Variants in PDE4B observed in about 807,000 individuals in gnomAD.
The protein encoded by PDE4B is 3',5'-cyclic-AMP phosphodiesterase 4B.
A neutral mutation model predicts 82.2 loss-of-function variants in PDE4B; 20 were observed. The observed-to-expected ratio is 0.24, with a 90% CI of 0.17 to 0.35. PDE4B has a LOEUF of 0.35. PDE4B is among the 10% of genes least tolerant of loss of function. PDE4B has a pLI of 1.00. For synonymous variants in PDE4B, 320 were observed against 318.9 expected (o/e 1.00, Z -0.04); for missense variants, 655 against 907.2 (o/e 0.72, Z 3.57).
Position 65,962,724 on chromosome 1 carries a change from C to T in PDE4B, c.281+43889C>T, listed in dbSNP as rs184708878. 4.5e-3 allele frequency among the ~76,000 whole-genome samples: 686 copies of T among 152,228 alleles called. 8 individuals are homozygous for T. The highest frequency in any genetic ancestry group is 3.9e-3 in the Non-Finnish European group (262 of 68,008). The stretch of plus-strand genomic sequence containing the variant: ...AGAGAAATGGAGAGCAGCAGATCCT[C>T]AGTTTCTGTTGCATTTCCAGTTCTT... On this transcript the variant is annotated intron_variant, in intron 3 of 16. Transcript: ENST00000341517.
chr1:65,832,267 A>G (rs1189169052), intron 1 of PDE4B, among the ~76,000 whole-genome samples: 1 of 152,214 alleles, frequency 6.6e-6, no homozygotes, highest in Non-Finnish European at 1.5e-5. Flanking sequence ...AAACTTTAGA[A>G]GACAGAAGAT....
At chr1:66,192,110 A>T (rs1647863882) in intron 3 of PDE4B, among the ~76,000 whole-genome samples, 1 of 152,120 alleles carries the variant, frequency 6.6e-6, no homozygotes, top group Non-Finnish European at 1.5e-5. Context: ...TGATGTACTA[A>T]AAAAGGCTTA....
chr1:65,848,145 A>ATT (rs202107438), intron 1 of PDE4B, among the ~76,000 whole-genome samples: 3 of 146,632 alleles, frequency 2.0e-5, no homozygotes, highest in African/African-American at 7.5e-5. Context: ...CAGCTTTATC[A>ATT]TTTTTTTTTT....
intron 8 of PDE4B, among the ~76,000 whole-genome samples, chr1:66,342,902 G>A (rs982152134): frequency 3.9e-5 from 6 of 152,078 alleles, no homozygotes; most frequent in South Asian, 2.1e-4. Flanking sequence ...AAAATTAGCC[G>A]GACGCAGTGG....
intron 8 of PDE4B, among the ~76,000 whole-genome samples, chr1:66,352,369 T>C (rs1045008320): frequency 6.6e-6 from 1 of 152,180 alleles, no homozygotes; most frequent in African/African-American, 2.4e-5. Context: ...TTCAGTAAAC[T>C]ATGCGGGAAA....
intron 3 of PDE4B, among the ~76,000 whole-genome samples, chr1:66,135,740 A>T (rs1283445542): frequency 6.6e-6 from 1 of 152,194 alleles, no homozygotes; most frequent in Non-Finnish European, 1.5e-5. Flanking sequence ...ATACTTAATA[A>T]GTACAGCTTG....
intron 3 of PDE4B, among the ~76,000 whole-genome samples, chr1:66,236,427 G>T (rs1035106236): frequency 6.6e-6 from 1 of 151,796 alleles, no homozygotes; most frequent in Non-Finnish European, 1.5e-5. Context: ...ATTTTAATAA[G>T]AAGAAAAAAA....
chr1:65,902,111 T>C (rs1489723732), intron 1 of PDE4B, among the ~76,000 whole-genome samples: 3 of 152,144 alleles, frequency 2.0e-5, no homozygotes, highest in Admixed American at 1.3e-4. Context: ...ATCTTCATGG[T>C]ATTGACTTTT....
chr1:65,950,891 A>G (rs949913408), intron 3 of PDE4B, among the ~76,000 whole-genome samples: 1 of 152,140 alleles, frequency 6.6e-6, no homozygotes, highest in African/African-American at 2.4e-5. Flanking sequence ...ATTAGGAACT[A>G]TAATGATCAG....
intron 3 of PDE4B, among the ~76,000 whole-genome samples, chr1:66,069,575 G>T (rs1182484329): frequency 1.3e-5 from 2 of 152,058 alleles, no homozygotes; most frequent in South Asian, 2.1e-4. Context: ...CCCAGTAGAG[G>T]TCACACATTT....
At chr1:66,308,679 A>G (rs1658455883) in intron 7 of PDE4B, among the ~76,000 whole-genome samples, 1 of 152,156 alleles carries the variant, frequency 6.6e-6, no homozygotes, top group Admixed American at 6.6e-5. Flanking sequence ...GTTTCATGCT[A>G]CAGTTGTTCC....
intron 8 of PDE4B, among the ~76,000 whole-genome samples, chr1:66,334,261 T>C (rs1660342157): frequency 6.6e-6 from 1 of 152,182 alleles, no homozygotes; most frequent in South Asian, 2.1e-4. Context: ...AGCAGGCAAT[T>C]AACTCCAAGA....
intron 3 of PDE4B, among the ~76,000 whole-genome samples, chr1:66,190,481 C>G (rs113975895): frequency 6.6e-6 from 1 of 152,184 alleles, no homozygotes; most frequent in African/African-American, 2.4e-5. Context: ...GTGGGCTCCA[C>G]CCAGTTCATT....
At chr1:65,851,620 A>T (rs1557778745) in intron 1 of PDE4B, among the ~76,000 whole-genome samples, 1 of 151,980 alleles carries the variant, frequency 6.6e-6, no homozygotes, top group South Asian at 2.1e-4. Context: ...TTATTTTCCA[A>T]CTATTTGTTG....
At chr1:65,855,482 G>T (rs1384171523) in intron 1 of PDE4B, among the ~76,000 whole-genome samples, 2 of 152,062 alleles carry the variant, frequency 1.3e-5, no homozygotes, top group Admixed American at 1.3e-4. Flanking sequence ...AGAACTTCTA[G>T]ATCTTTACTG....
chr1:66,098,065 G>T (rs1417213502), intron 3 of PDE4B, among the ~76,000 whole-genome samples: 1 of 151,950 alleles, frequency 6.6e-6, no homozygotes, highest in South Asian at 2.1e-4. Flanking sequence ...CACACTGCTT[G>T]GTAGAAACAT....
chr1:66,068,248 C>CA (rs1362275573), intron 3 of PDE4B, among the ~76,000 whole-genome samples: 1 of 151,852 alleles, frequency 6.6e-6, no homozygotes, highest in East Asian at 1.9e-4. Context: ...AAATACAACT[C>CA]AAAACCAGCG....
At chr1:66,033,453 C>A (rs1557513052) in intron 3 of PDE4B, among the ~76,000 whole-genome samples, 1 of 152,206 alleles carries the variant, frequency 6.6e-6, no homozygotes, top group Non-Finnish European at 1.5e-5. Context: ...TCTTTGAATT[C>A]TGCTCTAGTT....
intron 3 of PDE4B, among the ~76,000 whole-genome samples, chr1:66,031,172 G>A (rs981313162): frequency 2.6e-5 from 4 of 152,110 alleles, no homozygotes; most frequent in African/African-American, 7.2e-5. Context: ...GACTTCTAAT[G>A]CCAAAGACTA....
Sources: gnomAD v4.1 joint callset for allele counts (sites outside exome capture counted in the v4.1 genomes callset) on GRCh38, gnomAD v4.1.1 for gene constraint, MANE v1.5 for transcripts, NCBI Gene and HGNC (gene_info 2026-07-23, HGNC 2026-07-21) for gene names.